Variants in SH2B3 observed in about 807,000 individuals in gnomAD.
SH2B3 encodes the protein SH2B adapter protein 3.
In SH2B3, 43 loss-of-function variants were observed where a neutral mutation model predicts 51.9. The ratio of observed to expected loss-of-function variants is 0.83; its 90% CI spans 0.65 to 1.07. The LOEUF (loss-of-function observed/expected upper bound fraction) is 1.07, where lower values mean the gene tolerates loss of function less well. SH2B3 is among the 50% of genes least tolerant of loss of function. SH2B3 has a pLI of 0.00. For synonymous variants in SH2B3, 396 were observed against 376.0 expected (o/e 1.05, Z -0.62); for missense variants, 952 against 834.3 (o/e 1.14, Z -1.74).
Position 111,447,650 on chromosome 12 carries a change from C to T in SH2B3, c.1237-6C>T. 6.2e-7 allele frequency: 1 copy of T among 1,609,934 alleles called. No homozygotes were observed. The highest frequency in any genetic ancestry group is 8.5e-7 in the Non-Finnish European group (1 of 1,176,962). ...AGCCCGAGCCCACCATCCTCTCCTCCCACAGCACCTGCGCCTGTCGCTGAC... is the reference window on the plus strand; with the variant it reads ...AGCCCGAGCCCACCATCCTCTCCTCTCACAGCACCTGCGCCTGTCGCTGAC... On this transcript the variant is annotated splice_region_variant and splice_polypyrimidine_tract_variant and intron_variant, in intron 6 of 7. Coordinates refer to ENST00000341259, the MANE Select transcript of SH2B3 (RefSeq NM_005475.3).
At chr12:111,412,843 T>C (rs912242070) in intron 1 of SH2B3, among the ~76,000 whole-genome samples, 7 of 152,168 alleles carry the variant, frequency 4.6e-5, no homozygotes. Context: ...GGTATTGAGA[T>C]TATAGGTGTG....
intron 2 of SH2B3, among the ~76,000 whole-genome samples, chr12:111,445,796 G>A (rs896141307): frequency 5.3e-5 from 8 of 152,360 alleles, no homozygotes; most frequent in South Asian, 2.1e-4. Flanking sequence ...TGATCCTTCC[G>A]ACAGAGGTAC....
intron 2 of SH2B3, among the ~76,000 whole-genome samples, chr12:111,437,485 C>A (rs1872983754): frequency 6.6e-6 from 1 of 152,144 alleles, no homozygotes; most frequent in South Asian, 2.1e-4. Context: ...GTGGACTGGG[C>A]CCACTGGGCA....
chr12:111,435,099 C>A lies in SH2B3; in HGVS notation c.733-11654C>A. On this transcript the variant is annotated intron_variant, in intron 2 of 7. Transcript: ENST00000341259. The surrounding 1 kb of genome is among the most constrained non-coding windows in gnomAD (Gnocchi z 4.8). ...GATGAGTCCCCTCTCCTCTGGTGCA[C>A]TCTCCCCACCCGAGACGGGCGACAG... The A allele has an allele frequency of 1.6e-6, 2 of 1,215,690 alleles. No homozygotes were observed. The highest frequency in any genetic ancestry group is 1.1e-6 in the Non-Finnish European group (1 of 874,202). 75.3% of individuals were successfully genotyped at this position (1,215,690 alleles called of 1,614,324 possible).
At chr12:111,436,234 G>A (rs1872866978) in intron 2 of SH2B3, among the ~76,000 whole-genome samples, 1 of 152,196 alleles carries the variant, frequency 6.6e-6, no homozygotes, top group South Asian at 2.1e-4. Context: ...GGAGGGAAAA[G>A]GCCCTGGGGG....
rs1204362408 is a variant in SH2B3 at position 111,434,856 on chromosome 12, A to G, written c.733-11897A>G. On this transcript the variant is annotated intron_variant, in intron 2 of 7. Transcript: ENST00000341259. ...GGTAAACGTTCAGTAAACAGGAGCT[A>G]AAATGATAGTAATGAGAGTCCGTGC... is the stretch of plus-strand genomic sequence containing the variant. The G allele has an allele frequency of 2.0e-6, 3 of 1,534,200 alleles. No homozygotes were observed. In the Admixed American group the frequency reaches 5.9e-5, roughly 30 times the overall value.
At position 111,439,014 on chromosome 12, in the gene SH2B3, C is replaced by CTGCAG. The variant is rs1403115085; in HGVS notation, c.733-7726_733-7722dup. Among the ~76,000 whole-genome samples, 3 of 152,202 alleles carry CTGCAG rather than the reference C, an allele frequency of 2.0e-5. No individual in the cohort carries two copies. The East Asian group carries it at 5.8e-4, about 29-fold the overall frequency. On this transcript the variant is annotated intron_variant, in intron 2 of 7. Coordinates refer to ENST00000341259, the MANE Select transcript of SH2B3 (RefSeq NM_005475.3). ...AGACAGTCTTGCTCTGTTGCCCAGG[C>CTGCAG]TGCAGTGCAGTGCAGTGGCGCAATC...
chr12:111,443,332 T>C (rs962020379), intron 2 of SH2B3, among the ~76,000 whole-genome samples: 1 of 152,184 alleles, frequency 6.6e-6, no homozygotes, highest in African/African-American at 2.4e-5. Flanking sequence ...ACAGGGCCAT[T>C]TGAAGGGAGC....
At chr12:111,443,313 G>C (rs1873614631) in intron 2 of SH2B3, among the ~76,000 whole-genome samples, 1 of 152,212 alleles carries the variant, frequency 6.6e-6, no homozygotes, top group Non-Finnish European at 1.5e-5. Flanking sequence ...CAGGGGGACT[G>C]ATCACAGCAC....
rs781517696 is a variant in SH2B3 at position 111,418,575 on chromosome 12, C to T, written c.430C>T (p.His144Tyr). The T allele has an allele frequency of 6.7e-6, 10 of 1,484,446 alleles. No homozygotes were observed. Among genetic ancestry groups the T allele is most frequent in the South Asian group, 1.2e-5 (1 of 80,592 alleles). 92.0% of individuals were successfully genotyped at this position (1,484,446 alleles called of 1,614,324 possible). A position where few individuals can be genotyped will look rare whatever the true frequency, so the allele number is the denominator to read the frequency against. The change falls in exon 2 of 8, where the codon CAC (histidine) becomes TAC (tyrosine). Residue 144 changes from histidine (H) to tyrosine (Y), a missense_variant. Coordinates refer to ENST00000341259, the MANE Select transcript of SH2B3 (RefSeq NM_005475.3). This position sits in a 1 kb window ranked among gnomAD's most constrained non-coding sequence, Gnocchi z 6.7. ...SFQHFRRSLR[H>Y]IFRRRSAGEL... ...CCAGCACTTTCGCCGCAGCCTCCGCCACATCTTCCGCCGCCGCTCGGCCGG... is the reference window on the plus strand; with the variant it reads ...CCAGCACTTTCGCCGCAGCCTCCGCTACATCTTCCGCCGCCGCTCGGCCGG...
At chr12:111,424,622 G>A (rs1024812891) in intron 2 of SH2B3, among the ~76,000 whole-genome samples, 4 of 152,092 alleles carry the variant, frequency 2.6e-5, no homozygotes, top group African/African-American at 9.7e-5. Context: ...GGTTGCTGCG[G>A]GGCCTGGGGT....
In SH2B3 at chr12:111,447,855, G is replaced by T. The variant is rs201863788; in HGVS notation, c.1408+28G>T. On this transcript the variant is annotated intron_variant, in intron 7 of 7. Coordinates refer to ENST00000341259, the MANE Select transcript of SH2B3 (RefSeq NM_005475.3). ...CTGACCCTACTGCCCTTTGCTGAAG[G>T]GGGTGGCTGACACTGGGTAGAGGGT... 3.7e-6 allele frequency: 6 copies of T among 1,606,128 alleles called. No homozygotes were observed. The South Asian group carries it at 5.5e-5, about 15-fold the overall frequency.
intron 1 of SH2B3, among the ~76,000 whole-genome samples, chr12:111,412,159 G>C (rs1387559984): frequency 6.6e-6 from 1 of 152,194 alleles, no homozygotes; most frequent in East Asian, 1.9e-4. Context: ...TGATCCCAGG[G>C]TTGTCACCAT....
intron 2 of SH2B3, among the ~76,000 whole-genome samples, chr12:111,430,167 G>A (rs1418372296): frequency 1.3e-5 from 2 of 152,240 alleles, no homozygotes; most frequent in South Asian, 2.1e-4. Flanking sequence ...TGCCTGCAGT[G>A]GCCTTCTGGG....
At chr12:111,428,973 C>T (rs576929080) in intron 2 of SH2B3, among the ~76,000 whole-genome samples, 9 of 149,758 alleles carry the variant, frequency 6.0e-5, no homozygotes, top group South Asian at 4.3e-4. Flanking sequence ...AAGAAAGGGA[C>T]GTCCGCCGGA....
chr12:111,437,969 C>T (rs1178773293), intron 2 of SH2B3, among the ~76,000 whole-genome samples: 1 of 152,176 alleles, frequency 6.6e-6, no homozygotes, highest in Non-Finnish European at 1.5e-5. Context: ...GAGGAACTCT[C>T]CCAGTCAGAT....
At chr12:111,421,723 G>C (rs1347173675) in intron 2 of SH2B3, among the ~76,000 whole-genome samples, 37 of 151,988 alleles carry the variant, frequency 2.4e-4, no homozygotes, top group Admixed American at 2.4e-3. Flanking sequence ...AGCCGGGTTT[G>C]TTTCTTTTGA....
chr12:111,422,960 G>C (rs1272048620), intron 2 of SH2B3, among the ~76,000 whole-genome samples: 1 of 152,070 alleles, frequency 6.6e-6, no homozygotes, highest in Non-Finnish European at 1.5e-5. Flanking sequence ...GCCTCCCAAA[G>C]TGCTGGGATT....
chr12:111,410,704 TG>T lies in SH2B3; in HGVS notation c.-28+4431del, dbSNP rs1870630957. Among the ~76,000 whole-genome samples, 1 of 152,184 alleles carries T rather than the reference TG, an allele frequency of 6.6e-6. No individual in the cohort carries two copies. Among genetic ancestry groups the T allele is most frequent in the South Asian group, 2.1e-4 (1 of 4,836 alleles). ...GTGTCCAGCCAGCTGCCCCGTGGCC[TG>T]GGGTAGAACCCACCTCTCTGCCTCC... On this transcript the variant is annotated intron_variant, in intron 1 of 7. Coordinates refer to ENST00000341259, the MANE Select transcript of SH2B3 (RefSeq NM_005475.3). The surrounding 1 kb of genome is among the most constrained non-coding windows in gnomAD (Gnocchi z 4.9).
Sources: allele counts gnomAD v4.1 joint callset (sites outside exome capture counted in the v4.1 genomes callset), GRCh38; gene constraint gnomAD v4.1.1; non-coding constraint Gnocchi (gnomAD v3.1); transcripts MANE v1.5; gene names NCBI Gene and HGNC (gene_info 2026-07-23, HGNC 2026-07-21).